Variants in ETS1 observed in about 807,000 individuals in gnomAD.
ETS1 encodes protein C-ets-1.
ETS1 carries 15 observed loss-of-function variants against 58.6 expected under a neutral mutation model. That is an observed-to-expected ratio of 0.26 (90% CI 0.17 to 0.39). The LOEUF (loss-of-function observed/expected upper bound fraction) is 0.39. Ranked by LOEUF, ETS1 falls within the 10% of genes least tolerant of loss-of-function variation. The pLI, the probability that ETS1 is intolerant of heterozygous loss-of-function variation, is 1.00. For missense variants in ETS1, 417 were observed against 610.5 expected (o/e 0.68, Z 3.34); for synonymous variants, 214 against 218.2 (o/e 0.98, Z 0.17).
chr11:128,541,836 A>G (rs921665643), intron 3 of ETS1, among the ~76,000 whole-genome samples: 5 of 152,212 alleles, frequency 3.3e-5, no homozygotes, highest in African/African-American at 1.2e-4. Flanking sequence ...AATGATTGCA[A>G]TATGGTGCAA....
intron 2 of ETS1, among the ~76,000 whole-genome samples, chr11:128,561,411 T>C (rs1317036677): frequency 6.6e-6 from 1 of 152,272 alleles, no homozygotes; most frequent in African/African-American, 2.4e-5. Flanking sequence ...ATCTTGACTT[T>C]ATTTAAAATT....
intron 3 of ETS1, among the ~76,000 whole-genome samples, chr11:128,511,053 T>C (rs533784811): frequency 2.0e-5 from 3 of 152,316 alleles, no homozygotes; most frequent in African/African-American, 7.2e-5. Context: ...AAATTGTTCA[T>C]CTAAGATGAC....
chr11:128,570,010 T>C (rs1864592700), intron 2 of ETS1, among the ~76,000 whole-genome samples: 1 of 152,222 alleles, frequency 6.6e-6, no homozygotes, highest in African/African-American at 2.4e-5. Context: ...AAAATTTATT[T>C]AAAATATCCA....
At chr11:128,508,735 G>A (rs566191094) in intron 3 of ETS1, among the ~76,000 whole-genome samples, 10 of 152,282 alleles carry the variant, frequency 6.6e-5, no homozygotes, top group South Asian at 2.1e-4. Flanking sequence ...TAAATAAGGC[G>A]AATTTCATTT....
intron 3 of ETS1, among the ~76,000 whole-genome samples, chr11:128,552,328 G>GTT (rs2135553870): frequency 6.6e-6 from 1 of 152,294 alleles, no homozygotes; most frequent in Non-Finnish European, 1.5e-5. Context: ...TTGAGTGAAG[G>GTT]TTTTACTGTG....
chr11:128,533,134 C>T (rs1863924576), intron 3 of ETS1, among the ~76,000 whole-genome samples: 2 of 152,174 alleles, frequency 1.3e-5, no homozygotes, highest in African/African-American at 4.8e-5. Context: ...CCATCCAAAG[C>T]CCAGACGCTA....
intron 2 of ETS1, among the ~76,000 whole-genome samples, chr11:128,567,888 C>G (rs1031251452): frequency 2.0e-5 from 3 of 152,170 alleles, no homozygotes; most frequent in Non-Finnish European, 4.4e-5. Flanking sequence ...CCTGTCTCGG[C>G]CTCCTAAAGT....
chr11:128,540,635 T>C (rs1464593438), intron 3 of ETS1, among the ~76,000 whole-genome samples: 1 of 152,188 alleles, frequency 6.6e-6, no homozygotes, highest in East Asian at 1.9e-4. Context: ...ATGTCTAACA[T>C]TTCCATGACC....
chr11:128,522,288 C>A, intron 3 of ETS1: 1 of 1,108,924 alleles, frequency 9.0e-7, no homozygotes, highest in South Asian at 3.3e-5. Context: ...CCGCCGGCGG[C>A]TGCCTCGTTC....
chr11:128,519,548 G>A (rs1863609305), intron 3 of ETS1, among the ~76,000 whole-genome samples: 1 of 152,192 alleles, frequency 6.6e-6, no homozygotes, highest in Non-Finnish European at 1.5e-5. Flanking sequence ...TGATGGGCAA[G>A]GCAAATCCGC....
At chr11:128,585,041 A>G (rs1346512722) in intron 1 of ETS1, among the ~76,000 whole-genome samples, 491 of 13,728 alleles carry the variant, frequency 0.036, 73 homozygotes, top group African/African-American at 0.073. Context: ...GAAAAGAAAG[A>G]AAGAAAGAAA....
chr11:128,473,760 G>A (rs1053089052), intron 8 of ETS1, among the ~76,000 whole-genome samples: 2 of 152,168 alleles, frequency 1.3e-5, no homozygotes, highest in Admixed American at 6.5e-5. Context: ...TCTACAAAGA[G>A]CAGCAGCTGC....
chr11:128,481,708 G>C (rs1862490903), intron 7 of ETS1, among the ~76,000 whole-genome samples: 1 of 152,194 alleles, frequency 6.6e-6, no homozygotes, highest in African/African-American at 2.4e-5. Context: ...CTTCATATTA[G>C]TGTGCCTCCA....
In ETS1 at chr11:128,460,782, TC is replaced by T. The variant is rs1861887460; in HGVS notation, c.*1578del. On this transcript the variant is annotated 3_prime_UTR_variant, in exon 10 of 10. Coordinates refer to ENST00000392668, the MANE Select transcript of ETS1 (RefSeq NM_001143820.2). Reference sequence around the variant, plus strand: ...AATCTCATGGACAACCTTATTTTCCTCACTGAACCTCCTTCCTTAGTTTCCT... The same window carrying T: ...AATCTCATGGACAACCTTATTTTCCTACTGAACCTCCTTCCTTAGTTTCCT... The T allele has an allele frequency of 6.6e-6, 1 of 152,356 alleles. No individual in the cohort carries two copies. The highest frequency in any genetic ancestry group is 2.1e-4 in the South Asian group (1 of 4,824). 9.4% of individuals were successfully genotyped at this position (152,356 alleles called of 1,614,324 possible).
chr11:128,560,121 T>A (rs981219006), intron 2 of ETS1, among the ~76,000 whole-genome samples: 28 of 152,162 alleles, frequency 1.8e-4, no homozygotes, highest in African/African-American at 6.8e-4. Flanking sequence ...CCTTTTTTTT[T>A]TTTTCTTTTG....
chr11:128,481,904 T>C (rs1862497051), intron 7 of ETS1, among the ~76,000 whole-genome samples: 1 of 152,208 alleles, frequency 6.6e-6, no homozygotes, highest in African/African-American at 2.4e-5. Flanking sequence ...GGGTTTTCTC[T>C]ACATCCTGAC....
At chr11:128,469,147 C>T (rs1013489786) in intron 8 of ETS1, among the ~76,000 whole-genome samples, 1 of 152,246 alleles carries the variant, frequency 6.6e-6, no homozygotes, top group African/African-American at 2.4e-5. Flanking sequence ...AAATGACTAC[C>T]TGTCCTTTGG....
intron 5 of ETS1, among the ~76,000 whole-genome samples, chr11:128,488,494 G>C (rs573848988): frequency 6.6e-6 from 1 of 152,276 alleles, no homozygotes; most frequent in Non-Finnish European, 1.5e-5. Flanking sequence ...TGACCACAGG[G>C]AAAGGATGGG....
At position 128,461,216 on chromosome 11, in the gene ETS1, A is replaced by G. The variant is rs552924673; in HGVS notation, c.*1145T>C. The G allele has an allele frequency of 6.5e-6, 1 of 152,914 alleles. No individual in the cohort carries two copies. The highest frequency in any genetic ancestry group is 1.9e-4 in the East Asian group (1 of 5,330). 9.5% of individuals were successfully genotyped at this position (152,914 alleles called of 1,614,324 possible). A position where few individuals can be genotyped will look rare whatever the true frequency, so the allele number is the denominator to read the frequency against. On this transcript the variant is annotated 3_prime_UTR_variant, in exon 10 of 10. Transcript: ENST00000392668. ...CATAAAAGAAAAATTACAGAGTGTT[A>G]GTTTGGAACGACATGCATTCAGGAC...
Sources: gnomAD v4.1 joint callset for allele counts (sites outside exome capture counted in the v4.1 genomes callset) on GRCh38, gnomAD v4.1.1 for gene constraint, MANE v1.5 for transcripts, NCBI Gene and HGNC (gene_info 2026-07-23, HGNC 2026-07-21) for gene names.